The following OSBPL1A variants were observed in gnomAD, a reference collection of about 807,000 sequenced individuals.
OSBPL1A encodes the protein oxysterol binding protein like 1A, also known as oxysterol-binding protein-related protein 1.
Under a neutral mutation model 137.1 loss-of-function variants are expected in OSBPL1A, and 80 were observed. The ratio of observed to expected loss-of-function variants is 0.58; its 90% confidence interval spans 0.49 to 0.70. OSBPL1A has a LOEUF of 0.70. OSBPL1A is among the 30% of genes least tolerant of loss of function. OSBPL1A has a pLI of 0.00. For missense variants in OSBPL1A, 970 were observed against 1,129.4 expected (o/e 0.86, Z 2.02); for synonymous variants, 365 against 389.7 (o/e 0.94, Z 0.75).
chr18:24,303,583 G>C (rs566264797), intron 14 of OSBPL1A, 54 bp downstream of exon 14: 2 of 1,395,838 alleles, frequency 1.4e-6, no homozygotes, highest in East Asian at 4.6e-5. Context: ...AACTACAACA[G>C]GTCAGTATCT....
chr18:24,211,331 A>G (rs765450340), intron 17 of OSBPL1A, among the ~76,000 whole-genome samples: 1 of 152,224 alleles, frequency 6.6e-6, no homozygotes, highest in Non-Finnish European at 1.5e-5. Flanking sequence ...GAAGAGTAGC[A>G]CTGTTTTACA....
intron 17 of OSBPL1A, among the ~76,000 whole-genome samples, chr18:24,224,067 T>A (rs1179626756): frequency 1.3e-5 from 2 of 152,140 alleles, no homozygotes; most frequent in Non-Finnish European, 2.9e-5. Flanking sequence ...GAGGACAACC[T>A]CTAACCCAAC....
chr18:24,193,375 C>T (rs1325151785), intron 18 of OSBPL1A, among the ~76,000 whole-genome samples: 1 of 151,654 alleles, frequency 6.6e-6, no homozygotes, highest in African/African-American at 2.4e-5. Flanking sequence ...GTAGTCCCAG[C>T]TACTCGGGAG....
intron 7 of OSBPL1A, among the ~76,000 whole-genome samples, chr18:24,329,198 A>C (rs1172708842): frequency 6.6e-6 from 1 of 152,140 alleles, no homozygotes; most frequent in African/African-American, 2.4e-5. Context: ...GTGAGCAAAG[A>C]TCACACCACT....
Position 24,253,174 on chromosome 18 carries a change from G to GGC in OSBPL1A, c.1282-13793_1282-13792insGC, listed in dbSNP as rs1555638415. ...TCCAATGAAAAGACATGGCGGGGGG[G>GGC]GGCGCTGAATGGATGAAAAAAACAA... On this transcript the variant is annotated intron_variant, in intron 15 of 27. Coordinates refer to ENST00000319481, the MANE Select transcript of OSBPL1A (RefSeq NM_080597.4). 6.8e-5 allele frequency among the ~76,000 whole-genome samples: 9 copies of GGC among 131,886 alleles called. 1 individual carries two copies. Among genetic ancestry groups the GGC allele is most frequent in the African/African-American group, 1.1e-4 (4 of 36,880 alleles). The allele number at this position is 131,886 out of a possible 152,430, so 86.5% of individuals were successfully genotyped here. A position where few individuals can be genotyped will look rare whatever the true frequency, so the allele number is the denominator to read the frequency against.
chr18:24,355,486 T>G (rs45625231), intron 4 of OSBPL1A, among the ~76,000 whole-genome samples: 18,007 of 151,122 alleles, frequency 0.12, 1,346 homozygotes, highest in African/African-American at 0.22. Context: ...GGGCAACAGG[T>G]CGAGACTCCA....
chr18:24,196,230 C>A (rs878966055), intron 17 of OSBPL1A, 30 bp from the exon 18 acceptor site: 2 of 1,477,084 alleles, frequency 1.4e-6, no homozygotes, highest in Admixed American at 3.4e-5. Context: ...ACATAAAGTT[C>A]ATTCTAATGC....
chr18:24,197,785 T>C (rs942463560), intron 17 of OSBPL1A, among the ~76,000 whole-genome samples: 1 of 144,582 alleles, frequency 6.9e-6, no homozygotes, highest in Non-Finnish European at 1.5e-5. Flanking sequence ...TCTTTTCTTT[T>C]CTTTTTTTTT....
At chr18:24,286,120 G>A (rs754055343) in intron 14 of OSBPL1A, among the ~76,000 whole-genome samples, 24 of 152,134 alleles carry the variant, frequency 1.6e-4, no homozygotes, top group Non-Finnish European at 2.9e-5. Context: ...TCGCGCCACT[G>A]CACTCCAGCC....
intron 17 of OSBPL1A, among the ~76,000 whole-genome samples, chr18:24,200,622 G>A (rs1175276703): frequency 6.6e-6 from 1 of 150,462 alleles, no homozygotes; most frequent in Non-Finnish European, 1.5e-5. Flanking sequence ...CAGATTTCAA[G>A]GGCCCAAAAG....
chr18:24,348,952 A>C (rs2091392610), intron 4 of OSBPL1A, among the ~76,000 whole-genome samples: 1 of 151,916 alleles, frequency 6.6e-6, no homozygotes, highest in South Asian at 2.1e-4. Flanking sequence ...GGATCACTTG[A>C]GCCGAGGAGT....
At chr18:24,298,433 A>C (rs1278439042) in intron 14 of OSBPL1A, among the ~76,000 whole-genome samples, 1 of 151,840 alleles carries the variant, frequency 6.6e-6, no homozygotes, top group Non-Finnish European at 1.5e-5. Context: ...TGCAACCTCT[A>C]CCCCCCGGGT....
At chr18:24,365,693 G>T (rs1403385700) in intron 4 of OSBPL1A, among the ~76,000 whole-genome samples, 1 of 152,126 alleles carries the variant, frequency 6.6e-6, no homozygotes, top group Non-Finnish European at 1.5e-5. Flanking sequence ...ATATAAACAG[G>T]CATGAGGAAA....
intron 14 of OSBPL1A, among the ~76,000 whole-genome samples, chr18:24,282,667 G>A (rs2089982685): frequency 6.6e-6 from 1 of 152,168 alleles, no homozygotes; most frequent in South Asian, 2.1e-4. Flanking sequence ...GCACTTAGTT[G>A]AAATGGTTTC....
intron 1 of OSBPL1A, among the ~76,000 whole-genome samples, chr18:24,390,667 C>T (rs1203052204): frequency 1.6e-5 from 2 of 124,876 alleles, no homozygotes; most frequent in African/African-American, 3.3e-5. Flanking sequence ...TCTACTTCAG[C>T]CTGGGCAACA....
intron 15 of OSBPL1A, among the ~76,000 whole-genome samples, chr18:24,250,153 T>TG (rs1356449956): frequency 8.1e-5 from 2 of 24,658 alleles, no homozygotes; most frequent in Non-Finnish European, 3.3e-4. Flanking sequence ...CGTTTGTGTG[T>TG]TTTTGTTTGT....
intron 5 of OSBPL1A, among the ~76,000 whole-genome samples, chr18:24,340,446 G>A (rs1480092154): frequency 1.3e-5 from 2 of 152,122 alleles, no homozygotes; most frequent in Non-Finnish European, 2.9e-5. Flanking sequence ...GGCCGAGATG[G>A]GAGGATCGCT....
intron 18 of OSBPL1A, among the ~76,000 whole-genome samples, chr18:24,187,462 A>T (rs1360278869): frequency 6.6e-6 from 1 of 152,170 alleles, no homozygotes; most frequent in Non-Finnish European, 1.5e-5. Context: ...AACTTCCTGC[A>T]TTCAAATCCT....
In OSBPL1A at chr18:24,348,041, A is replaced by T. The variant is rs150466453; in HGVS notation, c.283-6383T>A. 4.2e-3 allele frequency among the ~76,000 whole-genome samples: 638 copies of T among 152,238 alleles called. 5 individuals are homozygous for T. The highest frequency in any genetic ancestry group is 0.019 in the East Asian group (96 of 5,172). On this transcript the variant is annotated intron_variant, in intron 4 of 27. Transcript: ENST00000319481. ...GGCAGGATAATATATTAAAACATTT[A>T]AAAACTCAGCTACCAAAAGATGGTT...
Sources: allele counts gnomAD v4.1 joint callset (sites outside exome capture counted in the v4.1 genomes callset), GRCh38; gene constraint gnomAD v4.1.1; transcripts MANE v1.5; gene names NCBI Gene and HGNC (gene_info 2026-07-23, HGNC 2026-07-21).